The following WDR31 variants were observed in gnomAD, a reference collection of about 807,000 sequenced individuals.
The protein encoded by WDR31 is WD repeat-containing protein 31.
A neutral mutation model predicts 47.3 loss-of-function variants in WDR31; 30 were observed. The ratio of observed to expected loss-of-function variants is 0.63; its 90% CI spans 0.47 to 0.86. The LOEUF is 0.86. Ranked by LOEUF, WDR31 falls within the 40% of genes least tolerant of loss-of-function variation. The pLI is 0.00. For missense variants in WDR31, 406 were observed against 442.9 expected (o/e 0.92, Z 0.75); for synonymous variants, 137 against 159.4 (o/e 0.86, Z 1.06).
At chr9:113,319,520 G>A (rs1432869266) in intron 9 of WDR31, among the ~76,000 whole-genome samples, 1 of 152,098 alleles carries the variant, frequency 6.6e-6, no homozygotes, top group Non-Finnish European at 1.5e-5. Flanking sequence ...TACATGTAAT[G>A]TGCTCATCCC....
chr9:113,322,521 C>T (rs1229189556), intron 7 of WDR31, among the ~76,000 whole-genome samples: 1 of 152,168 alleles, frequency 6.6e-6, no homozygotes, highest in Non-Finnish European at 1.5e-5. Flanking sequence ...TAACCCTGTT[C>T]CTAGCACAGT....
At chr9:113,322,721 C>A in intron 7 of WDR31, 90 bp downstream of exon 7, 1 of 1,339,752 alleles carries the variant, frequency 7.5e-7, no homozygotes. Flanking sequence ...CTAATTTCTG[C>A]TCATGGGCCT....
At chr9:113,324,601 G>C (rs1833412684) in intron 5 of WDR31, among the ~76,000 whole-genome samples, 1 of 151,682 alleles carries the variant, frequency 6.6e-6, no homozygotes, top group South Asian at 2.1e-4. Flanking sequence ...TGTTGCTCAG[G>C]CTGGCCTCGA....
At chr9:113,332,478 G>C (rs946077385) in intron 2 of WDR31, among the ~76,000 whole-genome samples, 1 of 152,168 alleles carries the variant, frequency 6.6e-6, no homozygotes, top group Non-Finnish European at 1.5e-5. Flanking sequence ...AAGGAATGAA[G>C]TACTCGTACA....
At chr9:113,327,649 C>T (rs1833507212) in intron 5 of WDR31, among the ~76,000 whole-genome samples, 1 of 152,228 alleles carries the variant, frequency 6.6e-6, no homozygotes, top group African/African-American at 2.4e-5. Flanking sequence ...ACCACCATGC[C>T]TGGCTAATTT....
In WDR31 at chr9:113,323,118, G is replaced by C. The variant is rs777396469; in HGVS notation, c.362C>G (p.Ala121Gly). The C allele has an allele frequency of 3.1e-6, 5 of 1,614,124 alleles. No individual in the cohort carries two copies. The highest frequency in any genetic ancestry group is 4.2e-6 in the Non-Finnish European group (5 of 1,180,020). The change falls in exon 6 of 11, where the codon GCC (alanine) becomes GGC (glycine). Residue 121 changes from alanine (A) to glycine (G), a missense_variant. Transcript: ENST00000374193. ...CATCATGACCATCCTGTCACGAGAG[G>C]CACTGAAGAACTGGCTGGATTTGGG... Reference protein sequence around the residue: ...CIPKSSQFFSASRDRMVMMWD... With the variant: ...CIPKSSQFFSGSRDRMVMMWD...
chr9:113,330,941 C>A, intron 4 of WDR31, 43 bp downstream of exon 4: 1 of 1,549,230 alleles, frequency 6.5e-7, no homozygotes, highest in South Asian at 1.2e-5. Flanking sequence ...TCTTCCTTTC[C>A]CTGCAATAAA....
chr9:113,324,455 T>C (rs996430673), intron 5 of WDR31, among the ~76,000 whole-genome samples: 20 of 150,300 alleles, frequency 1.3e-4, no homozygotes, highest in African/African-American at 4.9e-4. Flanking sequence ...AGGGACCTGG[T>C]CTCGGTTCAC....
chr9:113,333,048 A>G (rs1588049851), intron 2 of WDR31, among the ~76,000 whole-genome samples: 1 of 152,296 alleles, frequency 6.6e-6, no homozygotes, highest in South Asian at 2.1e-4. Flanking sequence ...CTGCAGAACC[A>G]TGAGCCAAAT....
At chr9:113,319,338 T>C (rs1327395706) in intron 9 of WDR31, among the ~76,000 whole-genome samples, 2 of 152,198 alleles carry the variant, frequency 1.3e-5, no homozygotes, top group African/African-American at 4.8e-5. Context: ...ATGTTTCACT[T>C]AGAAAAGAGA....
In WDR31 at chr9:113,320,481, C is replaced by T; in HGVS notation, c.656G>A (p.Gly219Glu). The stretch of plus-strand genomic sequence containing the variant: ...AGGAAACATATGAGCTACCTGCAGC[C>T]CCCGACTGTCCCATAATCTGAAAGA... ...DKTLRLWDSRGLQVAHMFPAK... is the reference protein window; with the variant it reads ...DKTLRLWDSRELQVAHMFPAK... Residue 219 changes from glycine (G) to glutamate (E), a missense_variant, in exon 9 of 11, where the codon GGG becomes GAG. Coordinates refer to ENST00000374193, the MANE Select transcript of WDR31 (RefSeq NM_001012361.4). 6.2e-7 allele frequency: 1 copy of T among 1,613,904 alleles called. No individual in the cohort carries two copies. Among genetic ancestry groups the T allele is most frequent in the South Asian group, 1.1e-5 (1 of 91,022 alleles).
Position 113,313,528 on chromosome 9 carries a change from A to C in WDR31, c.*3221T>G, listed in dbSNP as rs1833121428. 1 of 152,216 alleles carries C rather than the reference A, an allele frequency of 6.6e-6. No homozygotes were observed. Among genetic ancestry groups the C allele is most frequent in the Admixed American group, 6.5e-5 (1 of 15,272 alleles). The allele number at this position is 152,216 out of a possible 1,614,324, so 9.4% of individuals were successfully genotyped here. On this transcript the variant is annotated 3_prime_UTR_variant, in exon 11 of 11. Transcript: ENST00000374193. ...GTTAATAACTGGTCTTGAAGATACA[A>C]ACAATGTCATGGTCTATGACTTTGT...
chr9:113,319,132 T>C (rs1833273343), intron 9 of WDR31, among the ~76,000 whole-genome samples: 1 of 152,226 alleles, frequency 6.6e-6, no homozygotes, highest in South Asian at 2.1e-4. Context: ...GCCTAGATGC[T>C]GAACCTTGAT....
chr9:113,330,856 T>C (rs1833579875), intron 4 of WDR31, 128 bp downstream of exon 4: 1 of 1,089,906 alleles, frequency 9.2e-7, no homozygotes, highest in Admixed American at 2.7e-5. Flanking sequence ...CCAGTCTTTC[T>C]AACTCTAAAG....
chr9:113,320,354 T>G lies in WDR31; in HGVS notation c.780+3A>C. The G allele has an allele frequency of 6.2e-7, 1 of 1,614,006 alleles. No individual in the cohort carries two copies. Among genetic ancestry groups the G allele is most frequent in the Non-Finnish European group, 8.5e-7 (1 of 1,179,896 alleles). On this transcript the variant is annotated splice_donor_region_variant and intron_variant, in intron 9 of 10. Transcript: ENST00000374193. ...GATACCTGGACCTCACACAGTCTCC[T>G]ACCGTGGCTTCACAGCCTTCTCCTC...
intron 4 of WDR31, among the ~76,000 whole-genome samples, chr9:113,330,084 A>G (rs1056414942): frequency 6.6e-6 from 1 of 152,162 alleles, no homozygotes; most frequent in African/African-American, 2.4e-5. Context: ...CTAAAAGGCT[A>G]TTGAAAATGA....
At chr9:113,323,973 G>A (rs76107709) in intron 5 of WDR31, among the ~76,000 whole-genome samples, 2,760 of 152,066 alleles carry the variant, frequency 0.018, 78 homozygotes, top group African/African-American at 0.063. Context: ...GTTTACATTT[G>A]CCTGATATAT....
chr9:113,332,658 G>T (rs953453280), intron 2 of WDR31, among the ~76,000 whole-genome samples: 2 of 152,172 alleles, frequency 1.3e-5, no homozygotes, highest in Non-Finnish European at 2.9e-5. Flanking sequence ...AGAGACTGGG[G>T]AGTGACTACT....
At chr9:113,335,022 G>C (rs56318134) in intron 2 of WDR31, among the ~76,000 whole-genome samples, 1 of 152,054 alleles carries the variant, frequency 6.6e-6, no homozygotes, top group Admixed American at 6.5e-5. Flanking sequence ...GAAGTTCTGA[G>C]ACCAAAAAGT....
Sources: allele counts gnomAD v4.1 joint callset (sites outside exome capture counted in the v4.1 genomes callset), GRCh38; gene constraint gnomAD v4.1.1; transcripts MANE v1.5; gene names NCBI Gene and HGNC (gene_info 2026-07-23, HGNC 2026-07-21).